TBL1X: variants seen among roughly 807,000 people sequenced by gnomAD.
TBL1X encodes transducin beta like 1 X-linked.
A neutral mutation model predicts 50.7 loss-of-function variants in TBL1X; 10 were observed. The observed-to-expected ratio is 0.20, with a 90% CI of 0.12 to 0.33. TBL1X has a LOEUF of 0.33. Among genes scored for constraint, TBL1X ranks in the 10% least tolerant of loss-of-function variants. TBL1X has a pLI of 1.00. For synonymous variants in TBL1X, 190 were observed against 214.7 expected (o/e 0.88, Z 1.01); for missense variants, 340 against 504.4 (o/e 0.67, Z 3.12).
intron 2 of TBL1X, among the ~76,000 whole-genome samples, chrX:9,594,596 A>T (rs890772755): frequency 3.6e-5 from 4 of 112,102 alleles, no homozygotes; most frequent in African/African-American, 1.3e-4. Context: ...ATAAGGTGAG[A>T]ATCATTTTGG....
chrX:9,513,306 G>A lies in TBL1X; in HGVS notation c.-131+11457G>A, dbSNP rs185740614. Among the ~76,000 whole-genome samples, 389 of 110,858 alleles carry A rather than the reference G, an allele frequency of 3.5e-3. 1 individual carries two copies. The highest frequency in any genetic ancestry group is 0.014 in the Middle Eastern group (3 of 218). On this transcript the variant is annotated intron_variant, in intron 2 of 17. Coordinates refer to ENST00000645353, the MANE Select transcript of TBL1X (RefSeq NM_005647.4). ...TTCACTGAACTTAGACTCTACTGAC[G>A]AGTATAGTCAAGCAGAAATTCCCCT... is the stretch of plus-strand genomic sequence containing the variant.
intron 2 of TBL1X, among the ~76,000 whole-genome samples, chrX:9,521,873 A>G (rs1466148445): frequency 1.8e-5 from 2 of 112,122 alleles, no homozygotes; most frequent in East Asian, 5.6e-4. Flanking sequence ...ACTAAAAAGG[A>G]CTACATGCCC....
At chrX:9,611,489 A>G (rs1434997722) in intron 2 of TBL1X, among the ~76,000 whole-genome samples, 2 of 112,231 alleles carry the variant, frequency 1.8e-5, no homozygotes, top group East Asian at 5.6e-4. Context: ...GCAGTCACCC[A>G]GTGCTGTTTG....
chrX:9,570,461 C>T (rs961662029), intron 2 of TBL1X, among the ~76,000 whole-genome samples: 2 of 111,063 alleles, frequency 1.8e-5, no homozygotes, highest in Admixed American at 1.9e-4. Context: ...CGTGGACATT[C>T]ATTAGAATAT....
At chrX:9,472,038 GC>G (rs1245075792) in intron 1 of TBL1X, among the ~76,000 whole-genome samples, 8 of 111,303 alleles carry the variant, frequency 7.2e-5, no homozygotes, top group African/African-American at 2.6e-4. Context: ...TGTTGAAACT[GC>G]ATCCCCAGCA....
intron 2 of TBL1X, among the ~76,000 whole-genome samples, chrX:9,506,182 A>T (rs1159282450): frequency 8.9e-6 from 1 of 112,185 alleles, no homozygotes. Flanking sequence ...GAAATTGAAC[A>T]ACTTGCTCCT....
intron 2 of TBL1X, among the ~76,000 whole-genome samples, chrX:9,607,184 C>T (rs2082587964): frequency 8.9e-6 from 1 of 112,397 alleles, no homozygotes; most frequent in African/African-American, 3.2e-5. Context: ...ACACAGAGCA[C>T]AGTCCTAAGG....
intron 1 of TBL1X, among the ~76,000 whole-genome samples, chrX:9,473,113 T>TA (rs2081827906): frequency 1.8e-5 from 2 of 111,124 alleles, no homozygotes; most frequent in Non-Finnish European, 3.8e-5. Flanking sequence ...GTCTGCCATG[T>TA]AAAAATCGGT....
intron 2 of TBL1X, among the ~76,000 whole-genome samples, chrX:9,553,027 C>T (rs2082278210): frequency 1.8e-5 from 2 of 111,269 alleles, no homozygotes; most frequent in African/African-American, 6.6e-5. Context: ...CCTGTAGTCC[C>T]AGCTACTCAG....
At position 9,706,723 on chromosome X, in the gene TBL1X, G is replaced by C. The variant is rs1369088717; in HGVS notation, c.1236+1609G>C. On this transcript the variant is annotated intron_variant, in intron 13 of 17. Coordinates refer to ENST00000645353, the MANE Select transcript of TBL1X (RefSeq NM_005647.4). ...TCTAACCTTCTGCAATCTCCAGTCT[G>C]CTGGTAAACCCATTTACTAGCCTCG... Among the ~76,000 whole-genome samples the C allele has an allele frequency of 2.7e-5, 3 of 111,498 alleles. No homozygotes were observed. In the East Asian group the frequency reaches 8.5e-4, roughly 31 times the overall value.
At chrX:9,495,146 C>T (rs947302693) in intron 1 of TBL1X, among the ~76,000 whole-genome samples, 2 of 111,171 alleles carry the variant, frequency 1.8e-5, no homozygotes, top group South Asian at 3.8e-4. Context: ...TGGCTTTTTC[C>T]GTTCACAGCT....
At chrX:9,656,924 C>G (rs914565301) in intron 5 of TBL1X, among the ~76,000 whole-genome samples, 2 of 112,243 alleles carry the variant, frequency 1.8e-5, no homozygotes, top group African/African-American at 6.5e-5. Context: ...TGTCTCCCTT[C>G]TACCTTAAAT....
rs374279332 is a variant in TBL1X at position 9,716,279 on chromosome X, C to A, written c.*33C>A. 26 of 1,191,774 alleles carry A rather than the reference C, an allele frequency of 2.2e-5. No homozygotes were observed. Among genetic ancestry groups the A allele is most frequent in the Non-Finnish European group, 2.7e-5 (24 of 881,762 alleles). On this transcript the variant is annotated 3_prime_UTR_variant, in exon 18 of 18. Transcript: ENST00000645353. Reference sequence around the variant, plus strand: ...ATATTATCGAAAAAAGAAAAGAATTCTAATGACCAGCCGTGAATGTGTAGG... The same window carrying A: ...ATATTATCGAAAAAAGAAAAGAATTATAATGACCAGCCGTGAATGTGTAGG...
chrX:9,656,412 C>T (rs1337185990), intron 5 of TBL1X, among the ~76,000 whole-genome samples: 2 of 112,901 alleles, frequency 1.8e-5, no homozygotes, highest in Non-Finnish European at 3.7e-5. Flanking sequence ...GGAGACAGAG[C>T]CATGCTGCTG....
chrX:9,471,573 G>A (rs764514661), intron 1 of TBL1X, among the ~76,000 whole-genome samples: 211 of 112,080 alleles, frequency 1.9e-3, no homozygotes, highest in Middle Eastern at 0.014. Context: ...TAAAATAAGC[G>A]ATATTTTGGT....
intron 5 of TBL1X, among the ~76,000 whole-genome samples, chrX:9,682,342 T>C (rs2083030195): frequency 8.9e-6 from 1 of 112,064 alleles, no homozygotes; most frequent in Non-Finnish European, 1.9e-5. Flanking sequence ...TGGAAGGGCG[T>C]CCTTTGGAAC....
intron 5 of TBL1X, among the ~76,000 whole-genome samples, chrX:9,678,038 T>C (rs903871050): frequency 1.8e-5 from 2 of 112,196 alleles, no homozygotes; most frequent in African/African-American, 6.5e-5. Flanking sequence ...CTTTCTTCTC[T>C]TCTGTTTCTT....
Position 9,499,130 on chromosome X carries a change from A to G in TBL1X, c.-200-2650A>G, listed in dbSNP as rs757954332. On this transcript the variant is annotated intron_variant, in intron 1 of 17. Coordinates refer to ENST00000645353, the MANE Select transcript of TBL1X (RefSeq NM_005647.4). Reference sequence around the variant, plus strand: ...TGGTCACTGACATTAACATGGTGCAATAGAGCCTTCTTATGTGTTCCTTGG... The same window carrying G: ...TGGTCACTGACATTAACATGGTGCAGTAGAGCCTTCTTATGTGTTCCTTGG... 2.0e-4 allele frequency among the ~76,000 whole-genome samples: 22 copies of G among 111,807 alleles called. No individual in the cohort carries two copies. In the South Asian group the frequency reaches 7.1e-3, roughly 36 times the overall value.
chrX:9,647,134 G>A (rs1184849551), intron 3 of TBL1X, among the ~76,000 whole-genome samples: 3 of 111,671 alleles, frequency 2.7e-5, no homozygotes, highest in Non-Finnish European at 3.8e-5. Context: ...TCCTGGGACC[G>A]AATGCTGAAC....
Sources: gnomAD v4.1 joint callset for allele counts (sites outside exome capture counted in the v4.1 genomes callset) on GRCh38, gnomAD v4.1.1 for gene constraint, MANE v1.5 for transcripts, NCBI Gene and HGNC (gene_info 2026-07-23, HGNC 2026-07-21) for gene names.